Variants in TMEM74 observed in about 807,000 individuals in gnomAD.
TMEM74 encodes the protein transmembrane protein 74.
In TMEM74, 13 loss-of-function variants were observed where a neutral mutation model predicts 18.1. That is an observed-to-expected ratio of 0.72 (90% CI 0.47 to 1.14). The LOEUF is 1.14. Among genes scored for constraint, TMEM74 ranks in the 50% most tolerant of loss-of-function variants. TMEM74 has a pLI of 0.00. For missense variants in TMEM74, 372 were observed against 375.9 expected (o/e 0.99, Z 0.09); for synonymous variants, 159 against 146.6 (o/e 1.08, Z -0.61).
At chr8:108,688,691 A>C (rs1813195958) in intron 1 of TMEM74, among the ~76,000 whole-genome samples, 1 of 152,222 alleles carries the variant, frequency 6.6e-6, no homozygotes, top group African/African-American at 2.4e-5. Context: ...AAAGGAAATG[A>C]AATTTATGGG....
chr8:108,630,007 G>A (rs181725643), intron 2 of TMEM74, among the ~76,000 whole-genome samples: 42 of 152,098 alleles, frequency 2.8e-4, no homozygotes, highest in African/African-American at 8.9e-4. Flanking sequence ...ATGTAAATGG[G>A]CTAAATGCTC....
chr8:108,690,069 A>G (rs1029384365), intron 1 of TMEM74, among the ~76,000 whole-genome samples: 4 of 152,090 alleles, frequency 2.6e-5, no homozygotes, highest in Admixed American at 2.0e-4. Flanking sequence ...GTACATGTAT[A>G]TACACACGTA....
chr8:108,677,239 C>T (rs1813063610), intron 1 of TMEM74, among the ~76,000 whole-genome samples: 1 of 152,142 alleles, frequency 6.6e-6, no homozygotes, highest in Non-Finnish European at 1.5e-5. Flanking sequence ...TCTAGTTTCT[C>T]TACTTTCCAA....
rs71564016 is a variant in TMEM74, at chr8:108,708,809, C to CAAAAAAAAA, written n.120-53381_120-53373dup. Among the ~76,000 whole-genome samples the CAAAAAAAAA allele has an allele frequency of 3.5e-3, 62 of 17,850 alleles. 2 individuals are homozygous for CAAAAAAAAA. Among genetic ancestry groups the CAAAAAAAAA allele is most frequent in the African/African-American group, 5.9e-3 (15 of 2,522 alleles). The allele number at this position is 17,850 out of a possible 152,430, so 11.7% of individuals were successfully genotyped here. ...ACATGAAACTTCTACAACTCAATAG[C>CAAAAAAAAA]AAAAAAAAAAAAAAAAAAAAAAACC... On this transcript the variant is annotated intron_variant and non_coding_transcript_variant, in intron 1 of 3. Transcript: ENST00000518838.
intron 3 of TMEM74, chr8:108,607,824 C>A (rs1302741902): frequency 1.3e-5 from 2 of 152,120 alleles, no homozygotes; most frequent in African/African-American, 4.8e-5. Flanking sequence ...TAACATGTAT[C>A]ATGTTTAAAA....
intron 1 of TMEM74, among the ~76,000 whole-genome samples, chr8:108,703,322 A>G (rs1813355660): frequency 6.6e-6 from 1 of 152,162 alleles, no homozygotes; most frequent in African/African-American, 2.4e-5. Context: ...CCTTGAGTAT[A>G]TTAAGATGAA....
In TMEM74 at chr8:108,627,412, T is replaced by C. The variant is rs116075410; in HGVS notation, n.265-18586A>G. ...AATCCAAATTCTTGCTTCACCATAGTTGAGCTGTGTGCTTTAAGTAAGTCA... is the reference window on the plus strand; with the variant it reads ...AATCCAAATTCTTGCTTCACCATAGCTGAGCTGTGTGCTTTAAGTAAGTCA... On this transcript the variant is annotated intron_variant and non_coding_transcript_variant, in intron 2 of 3. Coordinates refer to the TMEM74 transcript ENST00000518838. Among the ~76,000 whole-genome samples the C allele has an allele frequency of 3.1e-3, 465 of 152,142 alleles. 2 individuals are homozygous for C. The highest frequency in any genetic ancestry group is 0.01 in the African/African-American group (435 of 41,548).
chr8:108,760,158 G>GAC (rs1008227314), intron 1 of TMEM74, among the ~76,000 whole-genome samples: 3 of 151,588 alleles, frequency 2.0e-5, no homozygotes, highest in African/African-American at 7.3e-5. Flanking sequence ...GGGAGAGAGA[G>GAC]AGAGAGAGAG....
chr8:108,736,845 G>T (rs572722256), intron 1 of TMEM74, among the ~76,000 whole-genome samples: 1 of 152,156 alleles, frequency 6.6e-6, no homozygotes, highest in South Asian at 2.1e-4. Context: ...TAAAAGAAAT[G>T]ATAAATTTAC....
exon 4 of TMEM74, chr8:108,607,747 T>A (rs753489375): frequency 6.6e-6 from 1 of 152,196 alleles, no homozygotes; most frequent in African/African-American, 2.4e-5. Flanking sequence ...CTTACAGTAT[T>A]CTTTTAAGTT....
chr8:108,715,216 G>A (rs1034904402), intron 1 of TMEM74, among the ~76,000 whole-genome samples: 3 of 151,490 alleles, frequency 2.0e-5, no homozygotes, highest in African/African-American at 7.3e-5. Flanking sequence ...CTTTATTTAA[G>A]CTAAATATCA....
intron 1 of TMEM74, among the ~76,000 whole-genome samples, chr8:108,695,309 G>A (rs1388523003): frequency 6.6e-6 from 1 of 152,150 alleles, no homozygotes; most frequent in Non-Finnish European, 1.5e-5. Flanking sequence ...TGCAAATTTC[G>A]AACACCAAGG....
At chr8:108,668,396 T>C (rs903824588) in intron 1 of TMEM74, among the ~76,000 whole-genome samples, 2 of 152,212 alleles carry the variant, frequency 1.3e-5, no homozygotes, top group Admixed American at 1.3e-4. Context: ...GTATTAATAA[T>C]AGTCATTGGT....
At chr8:108,700,780 C>T (rs1183605358) in intron 1 of TMEM74, among the ~76,000 whole-genome samples, 2 of 152,152 alleles carry the variant, frequency 1.3e-5, no homozygotes, top group African/African-American at 4.8e-5. Context: ...TGACTGTGCT[C>T]AGGAGGGTAA....
chr8:108,637,556 GAGAC>G (rs1457988401), intron 2 of TMEM74, among the ~76,000 whole-genome samples: 1 of 152,072 alleles, frequency 6.6e-6, no homozygotes, highest in Non-Finnish European at 1.5e-5. Flanking sequence ...GAAGCAGAGA[GAGAC>G]AGAGACAATT....
At chr8:108,701,580 T>C (rs1813335350) in intron 1 of TMEM74, among the ~76,000 whole-genome samples, 1 of 152,208 alleles carries the variant, frequency 6.6e-6, no homozygotes, top group African/African-American at 2.4e-5. Flanking sequence ...AAAGGTCAAT[T>C]GCTTTCCTAT....
At chr8:108,778,316 T>C (rs1339543266), downstream of TMEM74, among the ~76,000 whole-genome samples, 1 of 152,130 alleles carries the variant, frequency 6.6e-6, no homozygotes, top group Admixed American at 6.6e-5. Flanking sequence ...TTTGAGACCT[T>C]TCAGACTCTT....
intron 2 of TMEM74, among the ~76,000 whole-genome samples, chr8:108,610,218 A>G (rs187913898): frequency 3.9e-4 from 59 of 152,300 alleles, no homozygotes; most frequent in Non-Finnish European, 7.6e-4. Context: ...AACTTACTGA[A>G]ATTAATATTG....
At chr8:108,740,340 G>A (rs1563539591) in intron 1 of TMEM74, among the ~76,000 whole-genome samples, 1 of 152,122 alleles carries the variant, frequency 6.6e-6, no homozygotes, top group South Asian at 2.1e-4. Context: ...AAGCTACTAG[G>A]CTTCTAATGA....
Sources: allele counts gnomAD v4.1 joint callset (sites outside exome capture counted in the v4.1 genomes callset), GRCh38; gene constraint gnomAD v4.1.1; transcripts MANE v1.5; gene names NCBI Gene and HGNC (gene_info 2026-07-23, HGNC 2026-07-21).